Variants in ZCCHC2 observed in about 807,000 individuals in gnomAD.
ZCCHC2 encodes the protein zinc finger CCHC domain-containing protein 2.
A neutral mutation model predicts 103.6 loss-of-function variants in ZCCHC2; 39 were observed. That is an observed-to-expected ratio of 0.38 (90% CI 0.29 to 0.49). The LOEUF is 0.49. ZCCHC2 is among the 20% of genes least tolerant of loss of function. The probability of loss-of-function intolerance (pLI) is 0.96; values close to 1 mark genes in which losing one functional copy is unlikely to be tolerated. For synonymous variants in ZCCHC2, 687 were observed against 608.9 expected (o/e 1.13, Z -1.89); for missense variants, 1,483 against 1,491.0 (o/e 0.99, Z 0.09).
In ZCCHC2 at chr18:62,544,795, A is replaced by T. The variant is rs1208895738; in HGVS notation, c.1129-7A>T. ...ACCATATAATATGTGTGTTTTTTTT[A>T]AATCAGGTAAATTGGTCTGATCTTT... On this transcript the variant is annotated splice_region_variant and splice_polypyrimidine_tract_variant and intron_variant, in intron 3 of 13. Coordinates refer to ENST00000269499, the MANE Select transcript of ZCCHC2 (RefSeq NM_017742.6). 3.2e-6 allele frequency: 5 copies of T among 1,538,810 alleles called. No homozygotes were observed. The African/African-American group carries it at 4.2e-5, about 13-fold the overall frequency.
intron 2 of ZCCHC2, among the ~76,000 whole-genome samples, chr18:62,541,282 C>A (rs1200719833): frequency 6.6e-6 from 1 of 152,168 alleles, no homozygotes; most frequent in African/African-American, 2.4e-5. Flanking sequence ...AAGCAGGCCA[C>A]CAAACACTAT....
intron 8 of ZCCHC2, among the ~76,000 whole-genome samples, chr18:62,561,951 A>T (rs997320852): frequency 1.3e-5 from 2 of 151,844 alleles, no homozygotes; most frequent in African/African-American, 4.8e-5. Flanking sequence ...CAAGACTCCA[A>T]ATCCTTGTAT....
chr18:62,545,438 C>T (rs1323724623), intron 4 of ZCCHC2, among the ~76,000 whole-genome samples: 1 of 151,984 alleles, frequency 6.6e-6, no homozygotes, highest in African/African-American at 2.4e-5. Flanking sequence ...CAGCTCCTCC[C>T]CACCTCACCC....
Position 62,523,826 on chromosome 18 carries a change from G to C in ZCCHC2, c.402G>C (p.Leu134=). The C allele has an allele frequency of 2.6e-6, 4 of 1,544,672 alleles. No homozygotes were observed. The highest frequency in any genetic ancestry group is 3.5e-6 in the Non-Finnish European group (4 of 1,146,290). ...PLELRFLGSC[L]EDLARKDYHY... ...AGCTGCGCTTCCTTGGCTCGTGCCT[G>C]GAGGACCTGGCGCGCAAGGACTACC... Residue 134 remains leucine, a synonymous_variant, in exon 1 of 14, where the codon CTG becomes CTC. Coordinates refer to ENST00000269499, the MANE Select transcript of ZCCHC2 (RefSeq NM_017742.6).
intron 1 of ZCCHC2, among the ~76,000 whole-genome samples, chr18:62,538,833 GA>G (rs1303645220): frequency 6.6e-6 from 1 of 151,986 alleles, no homozygotes; most frequent in Non-Finnish European, 1.5e-5. Flanking sequence ...ATTTTTTACA[GA>G]AAAAAATATT....
intron 1 of ZCCHC2, among the ~76,000 whole-genome samples, chr18:62,534,890 TC>T (rs1307391394): frequency 2.6e-5 from 4 of 152,254 alleles, no homozygotes; most frequent in African/African-American, 9.6e-5. Flanking sequence ...GAAACACAAG[TC>T]CTAATGCAGT....
At chr18:62,535,588 C>T (rs1238254405) in intron 1 of ZCCHC2, among the ~76,000 whole-genome samples, 4 of 152,178 alleles carry the variant, frequency 2.6e-5, no homozygotes, top group African/African-American at 7.2e-5. Context: ...CCTCTCTCCA[C>T]GTGGTCCATC....
chr18:62,549,448 A>G (rs1394060927), intron 4 of ZCCHC2, among the ~76,000 whole-genome samples: 1 of 152,210 alleles, frequency 6.6e-6, no homozygotes, highest in African/African-American at 2.4e-5. Context: ...TTCAGAAGAA[A>G]ATTTACTTCG....
At chr18:62,561,530 TCTGTCATTCTGGG>T (rs1368309642) in intron 8 of ZCCHC2, among the ~76,000 whole-genome samples, 1 of 152,198 alleles carries the variant, frequency 6.6e-6, no homozygotes, top group Admixed American at 6.5e-5. Context: ...CCTTTTTGGG[TCTGTCATTCTGGG>T]AGGGCCCAGA....
chr18:62,528,611 A>AC (rs1021953567), intron 1 of ZCCHC2, among the ~76,000 whole-genome samples: 1 of 151,600 alleles, frequency 6.6e-6, no homozygotes. Context: ...AAAAAAAAAA[A>AC]AACCTTGTTA....
At chr18:62,530,673 T>C (rs1264828187) in intron 1 of ZCCHC2, among the ~76,000 whole-genome samples, 1 of 152,232 alleles carries the variant, frequency 6.6e-6, no homozygotes, top group African/African-American at 2.4e-5. Flanking sequence ...TTTTTGTTAG[T>C]ACTTACTTGT....
chr18:62,538,094 G>T (rs1004801745), intron 1 of ZCCHC2, among the ~76,000 whole-genome samples: 1 of 151,274 alleles, frequency 6.6e-6, no homozygotes, highest in East Asian at 1.9e-4. Flanking sequence ...GAAATATTTC[G>T]CTTTAAGCAA....
In ZCCHC2 at chr18:62,577,249, A is replaced by AG. The variant is rs1381659286; in HGVS notation, c.*671dup. 1 of 152,654 alleles carries AG rather than the reference A, an allele frequency of 6.6e-6. No individual in the cohort carries two copies. The highest frequency in any genetic ancestry group is 1.5e-5 in the Non-Finnish European group (1 of 68,048). The allele number at this position is 152,654 out of a possible 1,614,324, so 9.5% of individuals were successfully genotyped here. A position where few individuals can be genotyped will look rare whatever the true frequency, so the allele number is the denominator to read the frequency against. On this transcript the variant is annotated 3_prime_UTR_variant, in exon 14 of 14. Transcript: ENST00000269499. ...ATAGAAATGAAAATAAGTGGAAGAGAGAGGAAGAAGTCAAACCATATGAAA... is the reference window on the plus strand; with the variant it reads ...ATAGAAATGAAAATAAGTGGAAGAGAGGAGGAAGAAGTCAAACCATATGAAA...
intron 1 of ZCCHC2, among the ~76,000 whole-genome samples, chr18:62,538,197 G>A (rs1198919058): frequency 6.7e-6 from 1 of 150,060 alleles, no homozygotes; most frequent in Non-Finnish European, 1.5e-5. Context: ...GGAATTTGAG[G>A]CTGCAGTGAG....
At chr18:62,562,374 G>A (rs919923661) in intron 8 of ZCCHC2, among the ~76,000 whole-genome samples, 6 of 151,532 alleles carry the variant, frequency 4.0e-5, no homozygotes, top group Admixed American at 1.3e-4. Context: ...GTTTTCTTCC[G>A]ACCAATTTTT....
chr18:62,523,327 C>A lies in ZCCHC2; in HGVS notation c.-98C>A. 1 of 985,654 alleles carries A rather than the reference C, an allele frequency of 1.0e-6. No individual in the cohort carries two copies. Among genetic ancestry groups the A allele is most frequent in the South Asian group, 4.5e-5 (1 of 22,236 alleles). The allele number at this position is 985,654 out of a possible 1,614,324, so 61.1% of individuals were successfully genotyped here. ...CCCTCCCCCGGCGGCATGGAGGGGC[C>A]CCGCTCCTGACGGCCGCGCCGCCGC... On this transcript the variant is annotated 5_prime_UTR_variant, in exon 1 of 14. Coordinates refer to ENST00000269499, the MANE Select transcript of ZCCHC2 (RefSeq NM_017742.6).
At chr18:62,575,670 A>G in intron 13 of ZCCHC2, 120 bp downstream of exon 13, 2 of 1,247,358 alleles carry the variant, frequency 1.6e-6, no homozygotes, top group Non-Finnish European at 2.2e-6. Flanking sequence ...GTTTATGGAT[A>G]TTGTTTTCAG....
rs190137331 is a variant in ZCCHC2 at position 62,570,004 on chromosome 18, T to C, written c.1847-99T>C. The C allele has an allele frequency of 7.3e-6, 9 of 1,226,766 alleles. No individual in the cohort carries two copies. The Admixed American group carries it at 1.2e-4, about 16-fold the overall frequency. 76.0% of individuals were successfully genotyped at this position (1,226,766 alleles called of 1,614,324 possible). On this transcript the variant is annotated intron_variant, in intron 11 of 13. Transcript: ENST00000269499. The stretch of plus-strand genomic sequence containing the variant: ...CTTTTTTAGATGGTTGTGGGGAAAC[T>C]GAAGAAAATATAGCTAAAATTAATT...
At chr18:62,573,952 A>G in intron 12 of ZCCHC2, 105 bp from the exon 13 acceptor site, 3 of 1,211,368 alleles carry the variant, frequency 2.5e-6, no homozygotes, top group South Asian at 1.6e-5. Flanking sequence ...ATAGAGGGAC[A>G]CTTTCCAAAC....
Sources: gnomAD v4.1 joint callset for allele counts (sites outside exome capture counted in the v4.1 genomes callset) on GRCh38, gnomAD v4.1.1 for gene constraint, MANE v1.5 for transcripts, NCBI Gene and HGNC (gene_info 2026-07-23, HGNC 2026-07-21) for gene names.